XPO6: variants seen among roughly 807,000 people sequenced by gnomAD.
XPO6 encodes the protein exportin-6.
In XPO6, 3 loss-of-function variants were observed where a neutral mutation model predicts 130.0. That is an observed-to-expected ratio of 0.02 (90% CI 0.01 to 0.06). The LOEUF (loss-of-function observed/expected upper bound fraction) is 0.06. Among genes scored for constraint, XPO6 ranks in the 10% least tolerant of loss-of-function variants. XPO6 has a pLI of 1.00. For missense variants in XPO6, 970 were observed against 1,393.0 expected, an observed-to-expected ratio of 0.70 and a Z score of 4.83; for synonymous variants, 524 against 548.9, an observed-to-expected ratio of 0.95 and a Z score of 0.63.
chr16:28,107,307 G>T (rs1364965270), intron 18 of XPO6, among the ~76,000 whole-genome samples: 1 of 152,188 alleles, frequency 6.6e-6, no homozygotes, highest in Non-Finnish European at 1.5e-5. Context: ...TAGGTGCCAA[G>T]GCCCATATGG....
At chr16:28,162,656 G>A (rs2043295179) in intron 6 of XPO6, among the ~76,000 whole-genome samples, 1 of 151,384 alleles carries the variant, frequency 6.6e-6, no homozygotes, top group Non-Finnish European at 1.5e-5. Flanking sequence ...CAACCTCCTG[G>A]ACTCAAGCCA....
intron 9 of XPO6, among the ~76,000 whole-genome samples, chr16:28,140,936 A>G (rs1157703312): frequency 6.6e-6 from 1 of 152,236 alleles, no homozygotes; most frequent in Admixed American, 6.5e-5. Context: ...TCAGGTAAAT[A>G]CAAAGGATTG....
At chr16:28,195,218 A>C (rs2043840225) in intron 1 of XPO6, among the ~76,000 whole-genome samples, 1 of 151,826 alleles carries the variant, frequency 6.6e-6, no homozygotes, top group Non-Finnish European at 1.5e-5. Flanking sequence ...CCAGCAATAC[A>C]CTTTTGGTGA....
chr16:28,211,268 G>A (rs893880027), intron 1 of XPO6, 98 bp downstream of exon 1: 1 of 1,227,820 alleles, frequency 8.1e-7, no homozygotes, highest in Admixed American at 3.7e-5. Flanking sequence ...GCCTCTCCCC[G>A]CCATGGGGAG....
chr16:28,190,867 T>C (rs910955470), intron 1 of XPO6, among the ~76,000 whole-genome samples: 8 of 149,424 alleles, frequency 5.4e-5, no homozygotes, highest in African/African-American at 2.0e-4. Context: ...TACATGCATA[T>C]ATGTCTATAT....
intron 1 of XPO6, among the ~76,000 whole-genome samples, chr16:28,196,199 C>G (rs1397826910): frequency 3.3e-5 from 5 of 152,042 alleles, no homozygotes; most frequent in Non-Finnish European, 5.9e-5. Flanking sequence ...GACATCCTGG[C>G]CAATTAAATA....
chr16:28,167,496 A>T (rs1190448519), intron 5 of XPO6, among the ~76,000 whole-genome samples: 4 of 151,980 alleles, frequency 2.6e-5, no homozygotes, highest in Admixed American at 1.3e-4. Flanking sequence ...TCCTCCTCCC[A>T]ATTTCAACAT....
At chr16:28,181,209 C>G (rs760497988) in intron 1 of XPO6, 178 bp from the exon 2 acceptor site, 1 of 496,702 alleles carries the variant, frequency 2.0e-6, no homozygotes, top group Non-Finnish European at 3.5e-6. Context: ...CCAGCTGGCT[C>G]AAAACCCAAC....
rs1248697186 is a variant in XPO6, at chr16:28,125,710, T to C, written c.1745A>G (p.Asp582Gly). The C allele has an allele frequency of 6.2e-7, 1 of 1,614,076 alleles. No homozygotes were observed. The highest frequency in any genetic ancestry group is 8.5e-7 in the Non-Finnish European group (1 of 1,180,000). The change falls in exon 13 of 24, where the codon GAT (aspartate) becomes GGT (glycine). Residue 582 changes from aspartate to glycine, a missense_variant. By Grantham distance (94) the Asp-to-Gly change is moderately conservative (BLOSUM62 -1). This residue lies in a region of XPO6 where 936 missense variants were observed against 1,306.8 expected (regional missense o/e 0.72). Coordinates refer to ENST00000304658, the MANE Select transcript of XPO6 (RefSeq NM_015171.4). ...IGDVFAARFN[D>G]ALTVVERLVK... ...CTACCTTTCCACGACTGTGAGGGCATCATTGAACCGTGCAGCAAACACATC... is the reference window on the plus strand; with the variant it reads ...CTACCTTTCCACGACTGTGAGGGCACCATTGAACCGTGCAGCAAACACATC...
intron 5 of XPO6, among the ~76,000 whole-genome samples, 185 bp downstream of exon 5, chr16:28,169,565 C>T (rs2043416580): frequency 1.3e-5 from 2 of 152,164 alleles, no homozygotes; most frequent in African/African-American, 2.4e-5. Flanking sequence ...AAATAAGGTA[C>T]AAATCTATTT....
chr16:28,141,218 T>C (rs999373082), intron 9 of XPO6, among the ~76,000 whole-genome samples: 6 of 152,206 alleles, frequency 3.9e-5, no homozygotes, highest in Non-Finnish European at 7.3e-5. Context: ...AATCCCTACG[T>C]TGGTTTGTGG....
intron 1 of XPO6, among the ~76,000 whole-genome samples, chr16:28,190,207 A>G (rs2043763145): frequency 6.7e-6 from 1 of 150,220 alleles, no homozygotes; most frequent in African/African-American, 2.5e-5. Context: ...GGAGAGGTGC[A>G]CCAGTTTCTT....
intron 6 of XPO6, among the ~76,000 whole-genome samples, chr16:28,159,108 T>C (rs2043230193): frequency 6.6e-6 from 1 of 151,996 alleles, no homozygotes; most frequent in East Asian, 1.9e-4. Flanking sequence ...CACATGCCTA[T>C]AGGCCCAGCT....
chr16:28,173,351 A>G (rs1185621704), intron 4 of XPO6, among the ~76,000 whole-genome samples: 2 of 152,236 alleles, frequency 1.3e-5, no homozygotes, highest in Non-Finnish European at 2.9e-5. Flanking sequence ...AGGACATAAC[A>G]CAACTGGAAA....
At chr16:28,116,029 TCC>T (rs1662133391) in intron 15 of XPO6, among the ~76,000 whole-genome samples, 1 of 152,248 alleles carries the variant, frequency 6.6e-6, no homozygotes, top group South Asian at 2.1e-4. Flanking sequence ...GCTTGGTCTA[TCC>T]AAACCACTGA....
In XPO6 at chr16:28,175,987, T is replaced by G; in HGVS notation, c.316A>C (p.Ile106Leu). 1.9e-6 allele frequency: 3 copies of G among 1,614,132 alleles called. No homozygotes were observed. The highest frequency in any genetic ancestry group is 1.7e-6 in the Non-Finnish European group (2 of 1,180,006). ...LAHHKTLPYFIRNKLCKVIVD... is the reference protein window; with the variant it reads ...LAHHKTLPYFLRNKLCKVIVD... Reference sequence around the variant, plus strand: ...ATAACTTTGCAGAGCTTGTTCCGGATAAAGTAAGGTAAGGTTTTATGGTGA... The same window carrying G: ...ATAACTTTGCAGAGCTTGTTCCGGAGAAAGTAAGGTAAGGTTTTATGGTGA... Residue 106 changes from isoleucine to leucine, a missense_variant, in exon 4 of 24, where the codon ATC becomes CTC. Ile to Leu is a conservative substitution (Grantham distance 5). Transcript: ENST00000304658.
intron 23 of XPO6, among the ~76,000 whole-genome samples, chr16:28,100,730 A>G (rs111252144): frequency 0.017 from 2,523 of 152,320 alleles, 68 homozygotes; most frequent in African/African-American, 0.058. Flanking sequence ...CAGGCAAGAG[A>G]GAGGCCTGGT....
intron 15 of XPO6, among the ~76,000 whole-genome samples, chr16:28,116,129 C>A (rs1343175629): frequency 6.6e-6 from 1 of 152,228 alleles, no homozygotes; most frequent in Non-Finnish European, 1.5e-5. Context: ...CCTCCAAGAA[C>A]TTTTCCTTTG....
intron 1 of XPO6, among the ~76,000 whole-genome samples, chr16:28,196,937 C>T (rs539572798): frequency 6.6e-6 from 1 of 152,276 alleles, no homozygotes; most frequent in East Asian, 1.9e-4. Flanking sequence ...CCAAATACAC[C>T]TTTTCCCTTT....
Sources: gnomAD v4.1 joint callset for allele counts (sites outside exome capture counted in the v4.1 genomes callset) on GRCh38, gnomAD v4.1.1 for gene constraint, gnomAD v4.1.1 regional missense constraint, MANE v1.5 for transcripts, NCBI Gene and HGNC (gene_info 2026-07-23, HGNC 2026-07-21) for gene names.